PDCD1LG2: variants seen among roughly 807,000 people sequenced by gnomAD.
PDCD1LG2 encodes programmed cell death 1 ligand 2.
PDCD1LG2 carries 32 observed loss-of-function variants against 28.2 expected under a neutral mutation model. That is an observed-to-expected ratio of 1.13 (90% CI 0.86 to 1.52). PDCD1LG2 has a LOEUF of 1.52. Among genes scored for constraint, PDCD1LG2 ranks in the 40% most tolerant of loss-of-function variants. The pLI is 0.00. For missense variants in PDCD1LG2, 385 were observed against 323.8 expected (o/e 1.19, Z -1.45); for synonymous variants, 116 against 120.2 (o/e 0.97, Z 0.23).
At chr9:5,561,145 A>C (rs1219904165) in intron 5 of PDCD1LG2, among the ~76,000 whole-genome samples, 3 of 152,192 alleles carry the variant, frequency 2.0e-5, no homozygotes, top group Admixed American at 2.0e-4. Context: ...GCTCTGTCCA[A>C]TATAATAGCC....
intron 6 of PDCD1LG2, among the ~76,000 whole-genome samples, chr9:5,567,125 G>C (rs1163974941): frequency 6.6e-6 from 1 of 152,126 alleles, no homozygotes; most frequent in African/African-American, 2.4e-5. Context: ...CTAGATCCCA[G>C]TAACCAAATA....
chr9:5,510,557 C>G lies in PDCD1LG2; in HGVS notation c.-261C>G, dbSNP rs1219384185. The G allele has an allele frequency of 6.6e-6, 1 of 152,592 alleles. No homozygotes were observed. The highest frequency in any genetic ancestry group is 2.4e-5 in the African/African-American group (1 of 41,420). 9.5% of individuals were successfully genotyped at this position (152,592 alleles called of 1,614,324 possible). On this transcript the variant is annotated 5_prime_UTR_variant, in exon 1 of 7. Coordinates refer to ENST00000397747, the MANE Select transcript of PDCD1LG2 (RefSeq NM_025239.4). ...CTCTCATGTTACGGCAAACCTTAAG[C>G]TGAATGAACAACTTTTCTTCTCTTG... is the stretch of plus-strand genomic sequence containing the variant.
intron 2 of PDCD1LG2, among the ~76,000 whole-genome samples, chr9:5,525,038 C>T (rs960815165): frequency 6.6e-6 from 1 of 152,298 alleles, no homozygotes; most frequent in Middle Eastern, 3.4e-3. Context: ...CATTTCTTTT[C>T]TATTTTTAAA....
At chr9:5,516,213 A>G (rs1345553104) in intron 1 of PDCD1LG2, among the ~76,000 whole-genome samples, 2 of 152,042 alleles carry the variant, frequency 1.3e-5, no homozygotes, top group Non-Finnish European at 2.9e-5. Flanking sequence ...CACTACATCC[A>G]GCTAATTTTT....
chr9:5,546,873 AC>A (rs1358767182), intron 3 of PDCD1LG2, among the ~76,000 whole-genome samples: 1 of 152,226 alleles, frequency 6.6e-6, no homozygotes, highest in Non-Finnish European at 1.5e-5. Context: ...TGTGCTGACC[AC>A]ATGGAGACGA....
At chr9:5,520,483 T>G (rs1265092097) in intron 1 of PDCD1LG2, among the ~76,000 whole-genome samples, 1 of 152,322 alleles carries the variant, frequency 6.6e-6, no homozygotes, top group African/African-American at 2.4e-5. Flanking sequence ...GGCTCCAAAT[T>G]TGTTCTTTTG....
intron 4 of PDCD1LG2, among the ~76,000 whole-genome samples, chr9:5,552,349 A>AG (rs1563831516): frequency 1.3e-5 from 2 of 152,206 alleles, no homozygotes; most frequent in African/African-American, 4.8e-5. Flanking sequence ...CTTTAGATGC[A>AG]GTAGAACAAG....
intron 3 of PDCD1LG2, among the ~76,000 whole-genome samples, chr9:5,536,491 A>C (rs567066958): frequency 6.6e-6 from 1 of 152,282 alleles, no homozygotes; most frequent in African/African-American, 2.4e-5. Context: ...AGAACACTGA[A>C]GTTTGTCTGA....
rs758769708 is a variant in PDCD1LG2, at chr9:5,570,668, C to T, written c.*709C>T. ...GTTTTTTTTTTGAACTACATCTTTC[C>T]TTTAAAAATTATTGGTTTCTTTTTA... is the stretch of plus-strand genomic sequence containing the variant. On this transcript the variant is annotated 3_prime_UTR_variant, in exon 7 of 7. Transcript: ENST00000397747. 4.3e-6 allele frequency: 1 copy of T among 231,912 alleles called. No homozygotes were observed. Among genetic ancestry groups the T allele is most frequent in the Non-Finnish European group, 8.5e-6 (1 of 117,304 alleles). 14.4% of individuals were successfully genotyped at this position (231,912 alleles called of 1,614,324 possible). A position where few individuals can be genotyped will look rare whatever the true frequency, so the allele number is the denominator to read the frequency against.
intron 3 of PDCD1LG2, among the ~76,000 whole-genome samples, chr9:5,543,707 T>G (rs1043553976): frequency 9.9e-5 from 15 of 152,124 alleles, no homozygotes; most frequent in Non-Finnish European, 1.6e-4. Context: ...CTCAGTGTCT[T>G]TTTTTCCCTT....
intron 2 of PDCD1LG2, among the ~76,000 whole-genome samples, chr9:5,527,002 T>C (rs537890856): frequency 6.6e-6 from 1 of 152,324 alleles, no homozygotes; most frequent in South Asian, 2.1e-4. Flanking sequence ...AAGTTGCCTC[T>C]GAATAAAACT....
At chr9:5,539,354 CATGA>C (rs1195529859) in intron 3 of PDCD1LG2, among the ~76,000 whole-genome samples, 2 of 152,126 alleles carry the variant, frequency 1.3e-5, no homozygotes, top group Non-Finnish European at 2.9e-5. Context: ...TGAGGGTTCC[CATGA>C]ATGAAGTAGG....
At position 5,515,922 on chromosome 9, in the gene PDCD1LG2, C is replaced by CAAAAAAAAAAAA. The variant is rs1204038026; in HGVS notation, c.-15+5135_-15+5146dup. Among the ~76,000 whole-genome samples, 31 of 30,296 alleles carry CAAAAAAAAAAAA rather than the reference C, an allele frequency of 1.0e-3. 2 individuals carry two copies. Among genetic ancestry groups the CAAAAAAAAAAAA allele is most frequent in the South Asian group, 2.1e-3 (1 of 482 alleles). The allele number at this position is 30,296 out of a possible 152,430, so 19.9% of individuals were successfully genotyped here. On this transcript the variant is annotated intron_variant, in intron 1 of 6. Transcript: ENST00000397747. Reference sequence around the variant, plus strand: ...TGGGTGAGAGAGCAAGACTCCATCTCAAAAAAAAAAAAAAAAAAAAAAAAA... The same window carrying CAAAAAAAAAAAA: ...TGGGTGAGAGAGCAAGACTCCATCTCAAAAAAAAAAAAAAAAAAAAAAAAAAAAAAAAAAAAA...
At chr9:5,549,685 G>C in intron 4 of PDCD1LG2, 81 bp downstream of exon 4, 1 of 1,531,934 alleles carries the variant, frequency 6.5e-7, no homozygotes, top group Non-Finnish European at 8.9e-7. Context: ...GATTTGAGGA[G>C]AGTGTAATAA....
At chr9:5,513,807 G>C (rs1347899444) in intron 1 of PDCD1LG2, among the ~76,000 whole-genome samples, 1 of 152,180 alleles carries the variant, frequency 6.6e-6, no homozygotes, top group Admixed American at 6.5e-5. Context: ...ACAAAAATAA[G>C]TGAATCCAGC....
chr9:5,552,570 T>A (rs1816357070), intron 4 of PDCD1LG2, among the ~76,000 whole-genome samples: 1 of 152,106 alleles, frequency 6.6e-6, no homozygotes, highest in Non-Finnish European at 1.5e-5. Flanking sequence ...TGCACAGAAC[T>A]ACCACCATCA....
At chr9:5,558,162 G>A (rs1445825940) in intron 5 of PDCD1LG2, among the ~76,000 whole-genome samples, 1 of 152,104 alleles carries the variant, frequency 6.6e-6, no homozygotes, top group Non-Finnish European at 1.5e-5. Context: ...GATATGACCT[G>A]GGTTAAACCC....
chr9:5,519,722 G>A (rs969820676), intron 1 of PDCD1LG2, among the ~76,000 whole-genome samples: 5 of 152,092 alleles, frequency 3.3e-5, no homozygotes, highest in African/African-American at 9.7e-5. Context: ...CTATCTAATA[G>A]GCATTTCAAA....
In PDCD1LG2 at chr9:5,569,921, T is replaced by A. The variant is rs1470602369; in HGVS notation, c.817-33T>A. 1 of 1,611,056 alleles carries A rather than the reference T, an allele frequency of 6.2e-7. No homozygotes were observed. On this transcript the variant is annotated intron_variant, in intron 6 of 6. Transcript: ENST00000397747. The surrounding 1 kb of genome is among the most constrained non-coding windows in gnomAD (Gnocchi z 4.1). ...TTATATATTTTCTAATCATAAAAAA[T>A]GATTTTTCTTATTTGTGGGCTTTTC...
Sources: allele counts gnomAD v4.1 joint callset (sites outside exome capture counted in the v4.1 genomes callset), GRCh38; gene constraint gnomAD v4.1.1; non-coding constraint Gnocchi (gnomAD v3.1); transcripts MANE v1.5; gene names NCBI Gene and HGNC (gene_info 2026-07-23, HGNC 2026-07-21).